Variants in CDH12 observed in about 807,000 individuals in gnomAD.
The protein encoded by CDH12 is cadherin-12.
In CDH12, 41 loss-of-function variants were observed where a neutral mutation model predicts 74.1. The ratio of observed to expected loss-of-function variants is 0.55; its 90% CI spans 0.43 to 0.72. The LOEUF (loss-of-function observed/expected upper bound fraction) is 0.72. Ranked by LOEUF, CDH12 falls within the 30% of genes least tolerant of loss-of-function variation. CDH12 has a pLI of 0.00. For synonymous variants in CDH12, 399 were observed against 355.0 expected (o/e 1.12, Z -1.39); for missense variants, 945 against 977.2 (o/e 0.97, Z 0.44).
At chr5:22,553,158 G>C (rs1161637122) in intron 1 of CDH12, among the ~76,000 whole-genome samples, 2 of 152,174 alleles carry the variant, frequency 1.3e-5, no homozygotes, top group Admixed American at 1.3e-4. Context: ...TTCCTAATTT[G>C]TTAATGGATC....
At chr5:22,460,303 C>CA (rs1451218495) in intron 2 of CDH12, among the ~76,000 whole-genome samples, 1 of 152,150 alleles carries the variant, frequency 6.6e-6, no homozygotes, top group Non-Finnish European at 1.5e-5. Context: ...ATTCATCTTA[C>CA]AAATGCCTGT....
At chr5:22,435,924 G>A (rs1450586919) in intron 2 of CDH12, among the ~76,000 whole-genome samples, 2 of 151,672 alleles carry the variant, frequency 1.3e-5, no homozygotes, top group Admixed American at 6.6e-5. Flanking sequence ...CTGGCTCACT[G>A]GTTTCCCCCC....
rs886241003 is a variant in CDH12, at chr5:21,762,114, T to G, written c.1516-1439A>C. Reference sequence around the variant, plus strand: ...CGGGGACTAATACCTGGCTGTTAAATTTTGCTTTGTTATCCTTCTGTTATA... The same window carrying G: ...CGGGGACTAATACCTGGCTGTTAAAGTTTGCTTTGTTATCCTTCTGTTATA... On this transcript the variant is annotated intron_variant, in intron 12 of 14. Transcript: ENST00000382254. Among the ~76,000 whole-genome samples the G allele has an allele frequency of 3.9e-5, 6 of 152,288 alleles. No homozygotes were observed. In the East Asian group the frequency reaches 1.2e-3, roughly 29 times the overall value.
chr5:22,207,281 A>T (rs899167605), intron 4 of CDH12, among the ~76,000 whole-genome samples: 7 of 152,090 alleles, frequency 4.6e-5, no homozygotes, highest in African/African-American at 1.4e-4. Flanking sequence ...TGCTGATAAT[A>T]AAAAAATCAT....
At chr5:21,762,874 CT>C (rs10561731) in intron 12 of CDH12, among the ~76,000 whole-genome samples, 10,123 of 128,456 alleles carry the variant, frequency 0.079, 302 homozygotes, top group Middle Eastern at 0.1. Flanking sequence ...AAAGAACTGG[CT>C]TTTTTTTTTT....
chr5:22,163,069 T>G (rs942617053), intron 4 of CDH12, among the ~76,000 whole-genome samples: 4 of 151,990 alleles, frequency 2.6e-5, no homozygotes, highest in African/African-American at 9.7e-5. Flanking sequence ...GCTAATTTTT[T>G]GTATTTTTAG....
At chr5:22,376,088 G>T (rs1336325486) in intron 3 of CDH12, among the ~76,000 whole-genome samples, 1 of 152,112 alleles carries the variant, frequency 6.6e-6, no homozygotes, top group East Asian at 1.9e-4. Context: ...AGAACATGTG[G>T]TTCATACACA....
chr5:22,721,674 G>A (rs767778430), intron 1 of CDH12, among the ~76,000 whole-genome samples: 2 of 152,110 alleles, frequency 1.3e-5, no homozygotes, highest in Non-Finnish European at 1.5e-5. Context: ...GTTTGTCTCT[G>A]TTTTCCCACC....
At chr5:22,618,650 GCCTC>G (rs964156164) in intron 1 of CDH12, among the ~76,000 whole-genome samples, 1 of 152,052 alleles carries the variant, frequency 6.6e-6, no homozygotes, top group African/African-American at 2.4e-5. Flanking sequence ...ATATATTCTT[GCCTC>G]TATAAATTAT....
intron 3 of CDH12, among the ~76,000 whole-genome samples, chr5:22,308,582 A>G (rs181655030): frequency 6.6e-6 from 1 of 152,326 alleles, no homozygotes; most frequent in Admixed American, 6.5e-5. Context: ...ACTAAAAACC[A>G]TTTAATTGTA....
At chr5:22,513,791 C>CA (rs896144608) in intron 1 of CDH12, among the ~76,000 whole-genome samples, 14 of 151,284 alleles carry the variant, frequency 9.3e-5, no homozygotes, top group African/African-American at 2.7e-4. Context: ...ACTAAAAATA[C>CA]AAAAAAATTA....
At chr5:22,630,303 A>G (rs1046065111) in intron 1 of CDH12, among the ~76,000 whole-genome samples, 1 of 152,182 alleles carries the variant, frequency 6.6e-6, no homozygotes, top group African/African-American at 2.4e-5. Context: ...CCAAATAGCC[A>G]AAGCAATCCT....
chr5:22,126,852 C>T (rs1368749681), intron 4 of CDH12, among the ~76,000 whole-genome samples: 1 of 152,180 alleles, frequency 6.6e-6, no homozygotes, highest in Non-Finnish European at 1.5e-5. Context: ...ATGACCATTG[C>T]TCTTTATCAT....
At chr5:22,755,928 G>A (rs192306809) in intron 1 of CDH12, among the ~76,000 whole-genome samples, 93 of 151,658 alleles carry the variant, frequency 6.1e-4, no homozygotes, top group Non-Finnish European at 1.2e-3. Context: ...GTATCTACAG[G>A]GGAAATTTTA....
intron 1 of CDH12, among the ~76,000 whole-genome samples, chr5:22,567,277 G>A (rs1561495189): frequency 6.6e-6 from 1 of 152,048 alleles, no homozygotes; most frequent in African/African-American, 2.4e-5. Flanking sequence ...ATGCTAAAGA[G>A]GTACCACTTA....
chr5:22,073,775 A>T (rs1199894978), intron 5 of CDH12, among the ~76,000 whole-genome samples: 1 of 152,110 alleles, frequency 6.6e-6, no homozygotes, highest in Non-Finnish European at 1.5e-5. Flanking sequence ...TTTAAATACA[A>T]GGGTTGTTGA....
chr5:22,698,135 T>TTTTTTC (rs1742478997), intron 1 of CDH12, among the ~76,000 whole-genome samples: 2 of 143,372 alleles, frequency 1.4e-5, no homozygotes, highest in Admixed American at 7.3e-5. Flanking sequence ...TTTTTTTTTT[T>TTTTTTC]TTTGAGATGG....
chr5:22,763,351 A>G (rs1307091716), intron 1 of CDH12, among the ~76,000 whole-genome samples: 1 of 152,000 alleles, frequency 6.6e-6, no homozygotes, highest in East Asian at 1.9e-4. Context: ...ATCACAATAT[A>G]AAAGAAAGCA....
At chr5:22,811,578 G>C (rs1749150736) in intron 1 of CDH12, among the ~76,000 whole-genome samples, 1 of 152,112 alleles carries the variant, frequency 6.6e-6, no homozygotes, top group Non-Finnish European at 1.5e-5. Context: ...AGAGATGAAG[G>C]ATGTCAGGGA....
Sources: allele counts gnomAD v4.1 joint callset (sites outside exome capture counted in the v4.1 genomes callset), GRCh38; gene constraint gnomAD v4.1.1; transcripts MANE v1.5; gene names NCBI Gene and HGNC (gene_info 2026-07-23, HGNC 2026-07-21).